MFF: variants seen among roughly 807,000 people sequenced by gnomAD.
MFF encodes chromosome 2 open reading frame 33.
In MFF, 12 loss-of-function variants were observed where a neutral mutation model predicts 36.9. The observed-to-expected ratio is 0.33, with a 90% CI of 0.21 to 0.53. The LOEUF (loss-of-function observed/expected upper bound fraction) is 0.53. MFF is among the 20% of genes least tolerant of loss of function. The probability of loss-of-function intolerance (pLI) is 0.95; values close to 1 mark genes in which losing one functional copy is unlikely to be tolerated. For missense variants in MFF, 348 were observed against 366.6 expected (o/e 0.95, Z 0.42); for synonymous variants, 99 against 126.2 (o/e 0.78, Z 1.44).
chr2:227,348,751 T>A (rs2075838207), intron 6 of MFF, among the ~76,000 whole-genome samples: 1 of 152,190 alleles, frequency 6.6e-6, no homozygotes, highest in Non-Finnish European at 1.5e-5. Context: ...ACTTTTCTCA[T>A]CTGTTGAGAA....
intron 5 of MFF, chr2:227,342,717 T>G: frequency 6.4e-7 from 1 of 1,570,182 alleles, no homozygotes; most frequent in Non-Finnish European, 8.7e-7. Context: ...AAGCTGAATA[T>G]GTAAAAGAAG....
intron 6 of MFF, among the ~76,000 whole-genome samples, chr2:227,348,730 C>G (rs1321497148): frequency 6.6e-6 from 1 of 152,134 alleles, no homozygotes. Flanking sequence ...TGCTTAGCTT[C>G]TTTTGGCCTC....
intron 3 of MFF, among the ~76,000 whole-genome samples, chr2:227,332,041 G>A (rs1057273488): frequency 7.7e-6 from 1 of 129,508 alleles, no homozygotes; most frequent in Non-Finnish European, 1.6e-5. Flanking sequence ...GCGGGATCTC[G>A]GCTCACTGCA....
chr2:227,332,710 A>G (rs568543056), intron 4 of MFF, 122 bp downstream of exon 4: 284 of 623,260 alleles, frequency 4.6e-4, no homozygotes, highest in Non-Finnish European at 2.0e-4. Flanking sequence ...ATGGAACATT[A>G]CTAATAATTC....
intron 7 of MFF, among the ~76,000 whole-genome samples, chr2:227,355,069 G>A (rs2076192720): frequency 6.6e-6 from 1 of 152,172 alleles, no homozygotes; most frequent in African/African-American, 2.4e-5. Flanking sequence ...GCTGAGGTAG[G>A]AGAATCACTT....
chr2:227,356,735 G>A (rs960822705), intron 8 of MFF, among the ~76,000 whole-genome samples: 15 of 152,136 alleles, frequency 9.9e-5, no homozygotes, highest in African/African-American at 3.6e-4. Flanking sequence ...AAGTTAGGAA[G>A]GAAATACACC....
At chr2:227,331,386 C>T (rs750403113) in intron 3 of MFF, among the ~76,000 whole-genome samples, 2 of 152,140 alleles carry the variant, frequency 1.3e-5, no homozygotes, top group African/African-American at 2.4e-5. Context: ...GGTAATATTT[C>T]AGTTTGGATA....
intron 5 of MFF, among the ~76,000 whole-genome samples, chr2:227,343,701 G>A (rs532804772): frequency 1.3e-5 from 2 of 152,204 alleles, no homozygotes; most frequent in South Asian, 4.2e-4. Context: ...ACTTGATTTT[G>A]AACTTACTTT....
At chr2:227,352,722 A>G in intron 7 of MFF, 149 bp downstream of exon 7, 1 of 681,544 alleles carries the variant, frequency 1.5e-6, no homozygotes, top group Admixed American at 2.1e-5. Context: ...CTTCTCTCTA[A>G]GAACAGTGAA....
At chr2:227,326,865 T>G (rs973888082) in intron 1 of MFF, among the ~76,000 whole-genome samples, 1 of 152,164 alleles carries the variant, frequency 6.6e-6, no homozygotes, top group Non-Finnish European at 1.5e-5. Flanking sequence ...TCAGTTTGAC[T>G]CAAGTTGTTT....
chr2:227,335,069 G>A (rs1355802465), intron 4 of MFF, among the ~76,000 whole-genome samples: 1 of 151,990 alleles, frequency 6.6e-6, no homozygotes, highest in African/African-American at 2.4e-5. Context: ...TACTCTGGAG[G>A]GGGAGGCAGG....
intron 5 of MFF, among the ~76,000 whole-genome samples, chr2:227,345,650 A>C (rs761439985): frequency 6.6e-6 from 1 of 152,156 alleles, no homozygotes; most frequent in African/African-American, 2.4e-5. Flanking sequence ...AGACTAACAT[A>C]TAGTTTTGTT....
At chr2:227,340,860 A>G (rs191790021) in intron 5 of MFF, among the ~76,000 whole-genome samples, 2 of 152,318 alleles carry the variant, frequency 1.3e-5, no homozygotes, top group East Asian at 1.9e-4. Flanking sequence ...CCACAAGATT[A>G]TTAATGTCAG....
chr2:227,356,331 A>T (rs2076256878), intron 8 of MFF, among the ~76,000 whole-genome samples: 1 of 152,286 alleles, frequency 6.6e-6, no homozygotes, highest in East Asian at 1.9e-4. Flanking sequence ...TTAGGTGAAG[A>T]TCAGTAGGAG....
intron 5 of MFF, 51 bp from the exon 6 acceptor site, chr2:227,347,175 A>C (rs2075758985): frequency 6.4e-7 from 1 of 1,563,120 alleles, no homozygotes; most frequent in African/African-American, 1.4e-5. Context: ...AAGTTTTATA[A>C]AAATCTGACT....
At chr2:227,327,004 C>A (rs1346488185) in intron 1 of MFF, among the ~76,000 whole-genome samples, 2 of 151,886 alleles carry the variant, frequency 1.3e-5, no homozygotes, top group African/African-American at 4.8e-5. Flanking sequence ...CTAGGCGGTA[C>A]GTGGATGAGG....
At chr2:227,352,241 A>G (rs1473992367) in intron 6 of MFF, 2 of 328,436 alleles carry the variant, frequency 6.1e-6, no homozygotes, top group Non-Finnish European at 1.1e-5. Context: ...GTAAAGCACC[A>G]AGAAAATTAT....
intron 7 of MFF, 83 bp from the exon 8 acceptor site, chr2:227,355,594 C>A: frequency 1.4e-6 from 1 of 730,038 alleles, no homozygotes; most frequent in Non-Finnish European, 2.4e-6. Flanking sequence ...CTACTTTGAG[C>A]ATTACACAAA....
At chr2:227,352,437 T>G (rs529922954) in intron 6 of MFF, 77 bp from the exon 7 acceptor site, 2 of 1,008,884 alleles carry the variant, frequency 2.0e-6, no homozygotes, top group East Asian at 4.8e-5. Context: ...TTTATTTGTC[T>G]TGTTTTTGCT....
Sources: allele counts gnomAD v4.1 joint callset (sites outside exome capture counted in the v4.1 genomes callset), GRCh38; gene constraint gnomAD v4.1.1; transcripts MANE v1.5; gene names NCBI Gene and HGNC (gene_info 2026-07-23, HGNC 2026-07-21).